CDH9: variants seen among roughly 807,000 people sequenced by gnomAD.
The protein encoded by CDH9 is cadherin-9.
CDH9 carries 28 observed loss-of-function variants against 70.9 expected under a neutral mutation model. That is an observed-to-expected ratio of 0.40 (90% CI 0.29 to 0.54). The LOEUF is 0.54. CDH9 is among the 20% of genes least tolerant of loss of function. CDH9 has a pLI of 0.59. For synonymous variants in CDH9, 409 were observed against 343.1 expected (o/e 1.19, Z -2.12); for missense variants, 874 against 984.4 (o/e 0.89, Z 1.50).
intron 6 of CDH9, 53 bp downstream of exon 6, chr5:26,903,584 C>T (rs1252297956): frequency 3.3e-6 from 4 of 1,215,242 alleles, no homozygotes; most frequent in Non-Finnish European, 4.9e-6. Context: ...TACTGAAAAG[C>T]AAACGTAAAT....
chr5:26,996,266 C>T (rs950806842), intron 1 of CDH9, among the ~76,000 whole-genome samples: 2 of 151,914 alleles, frequency 1.3e-5, no homozygotes, highest in African/African-American at 4.8e-5. Context: ...CTTCAACATA[C>T]ATTAATCTAT....
chr5:26,928,634 G>T (rs551946059), intron 2 of CDH9, among the ~76,000 whole-genome samples: 1 of 152,020 alleles, frequency 6.6e-6, no homozygotes, highest in Non-Finnish European at 1.5e-5. Context: ...TCGTACTGGT[G>T]TAAAAACAGA....
intron 1 of CDH9, among the ~76,000 whole-genome samples, chr5:27,035,707 TGTGG>T (rs1197517512): frequency 2.3e-4 from 34 of 149,684 alleles, no homozygotes; most frequent in Admixed American, 6.0e-4. Context: ...TGTGTGTGTG[TGTGG>T]GTGTGTGTGG....
intron 2 of CDH9, among the ~76,000 whole-genome samples, chr5:26,924,989 G>T (rs180688567): frequency 6.6e-6 from 1 of 151,880 alleles, no homozygotes; most frequent in African/African-American, 2.4e-5. Flanking sequence ...CTTTCCTATC[G>T]TGAATAGTGC....
intron 2 of CDH9, among the ~76,000 whole-genome samples, chr5:26,944,777 C>A (rs1329268005): frequency 1.3e-5 from 2 of 151,490 alleles, no homozygotes; most frequent in East Asian, 3.9e-4. Context: ...TCTGTTTTTT[C>A]TTTTACTTAT....
chr5:26,906,252 C>T (rs1251701622), intron 4 of CDH9, 126 bp from the exon 5 acceptor site: 1 of 715,254 alleles, frequency 1.4e-6, no homozygotes, highest in Non-Finnish European at 2.3e-6. Context: ...TAAATATGTC[C>T]TTCAATCCAT....
intron 1 of CDH9, among the ~76,000 whole-genome samples, chr5:27,013,303 C>T (rs1003328429): frequency 6.6e-6 from 1 of 151,872 alleles, no homozygotes; most frequent in African/African-American, 2.4e-5. Flanking sequence ...AAGTTTTCTC[C>T]TTGCACCCAG....
At chr5:26,926,130 T>G (rs1298110268) in intron 2 of CDH9, among the ~76,000 whole-genome samples, 1 of 152,084 alleles carries the variant, frequency 6.6e-6, no homozygotes, top group African/African-American at 2.4e-5. Context: ...CGTATTCAAT[T>G]AGGAAAAGAG....
chr5:26,912,165 A>C (rs1289552627), intron 3 of CDH9, among the ~76,000 whole-genome samples: 1 of 152,108 alleles, frequency 6.6e-6, no homozygotes, highest in Non-Finnish European at 1.5e-5. Context: ...TACTATCTGA[A>C]AATAATTTTA....
rs188598322 is a variant in CDH9, at chr5:27,007,110, T to A, written c.-49-18728A>T. 2.3e-3 allele frequency among the ~76,000 whole-genome samples: 357 copies of A among 152,318 alleles called. 2 individuals are homozygous for A. The highest frequency in any genetic ancestry group is 4.2e-3 in the Non-Finnish European group (284 of 68,028). On this transcript the variant is annotated intron_variant, in intron 1 of 11. Transcript: ENST00000231021. ...TATGGTTTCATGTCAGCTTCCAGCT[T>A]CAGAAATGAACATCAGAGTTTGTCA...
intron 1 of CDH9, among the ~76,000 whole-genome samples, chr5:27,000,766 A>G (rs1159128204): frequency 2.0e-5 from 3 of 152,162 alleles, no homozygotes; most frequent in African/African-American, 7.2e-5. Flanking sequence ...CTATAATTGA[A>G]CATTACTCAG....
intron 1 of CDH9, among the ~76,000 whole-genome samples, chr5:27,020,165 CTA>C (rs1331855476): frequency 6.6e-6 from 1 of 151,566 alleles, no homozygotes; most frequent in African/African-American, 2.4e-5. Context: ...GAATTGCCTA[CTA>C]TGTTATTTTG....
chr5:27,033,640 A>T (rs2112138154), intron 1 of CDH9, among the ~76,000 whole-genome samples: 1 of 151,634 alleles, frequency 6.6e-6, no homozygotes, highest in East Asian at 2.0e-4. Flanking sequence ...TAAAAAAAAC[A>T]AAAAACAAAA....
At chr5:26,911,321 T>A (rs547925665) in intron 3 of CDH9, among the ~76,000 whole-genome samples, 12 of 152,290 alleles carry the variant, frequency 7.9e-5, no homozygotes, top group African/African-American at 2.4e-4. Flanking sequence ...TGGTCAAGAA[T>A]TTTCTTTATA....
intron 2 of CDH9, among the ~76,000 whole-genome samples, chr5:26,926,372 T>C (rs1252351393): frequency 6.6e-6 from 1 of 151,936 alleles, no homozygotes; most frequent in African/African-American, 2.4e-5. Context: ...TACCTAGGAA[T>C]CCAACCTACA....
At chr5:27,012,240 T>A (rs1175839699) in intron 1 of CDH9, among the ~76,000 whole-genome samples, 1 of 151,992 alleles carries the variant, frequency 6.6e-6, no homozygotes, top group Admixed American at 6.6e-5. Flanking sequence ...AAAAAGCTGT[T>A]GTACTCCGTT....
intron 2 of CDH9, among the ~76,000 whole-genome samples, chr5:26,977,479 G>A (rs1483524525): frequency 7.7e-6 from 1 of 129,912 alleles, no homozygotes; most frequent in African/African-American, 4.3e-5. Context: ...GTGCGTGTGT[G>A]TGTGTGTATA....
rs565154699 is a variant in CDH9 at position 26,926,029 on chromosome 5, C to T, written c.229-10105G>A. Among the ~76,000 whole-genome samples, 9 of 152,214 alleles carry T rather than the reference C, an allele frequency of 5.9e-5. No individual in the cohort carries two copies. The East Asian group carries it at 1.7e-3, about 29-fold the overall frequency. On this transcript the variant is annotated intron_variant, in intron 2 of 11. Transcript: ENST00000231021. The stretch of plus-strand genomic sequence containing the variant: ...TGGAAGCATTCCCTTTGAAAACTGG[C>T]ACAAGACAGGGATGCCCTCTCTCAC...
chr5:26,988,073 C>T (rs1190549748), intron 2 of CDH9, 33 bp downstream of exon 2: 1 of 1,498,066 alleles, frequency 6.7e-7, no homozygotes, highest in Admixed American at 1.8e-5. Context: ...CTGTCACTTT[C>T]AGCTTTTAGA....
Sources: allele counts gnomAD v4.1 joint callset (sites outside exome capture counted in the v4.1 genomes callset), GRCh38; gene constraint gnomAD v4.1.1; transcripts MANE v1.5; gene names NCBI Gene and HGNC (gene_info 2026-07-23, HGNC 2026-07-21).